COPS4: variants seen among roughly 807,000 people sequenced by gnomAD.
COPS4 encodes COP9 signalosome complex subunit 4.
In COPS4, 8 loss-of-function variants were observed where a neutral mutation model predicts 55.1. The observed-to-expected ratio is 0.15, with a 90% CI of 0.09 to 0.26. COPS4 has a LOEUF of 0.26. Among genes scored for constraint, COPS4 ranks in the 10% least tolerant of loss-of-function variants. COPS4 has a pLI of 1.00. For synonymous variants in COPS4, 185 were observed against 165.7 expected (o/e 1.12, Z -0.90); for missense variants, 248 against 484.0 (o/e 0.51, Z 4.58).
intron 9 of COPS4, among the ~76,000 whole-genome samples, chr4:83,074,138 T>C (rs1731507352): frequency 6.6e-6 from 1 of 152,196 alleles, no homozygotes; most frequent in Non-Finnish European, 1.5e-5. Flanking sequence ...AATGGTATGA[T>C]ATTTATCCTT....
In COPS4 at chr4:83,049,156, T is replaced by G; in HGVS notation, c.155-10T>G. 1 of 1,582,230 alleles carries G rather than the reference T, an allele frequency of 6.3e-7. No homozygotes were observed. Among genetic ancestry groups the G allele is most frequent in the South Asian group, 1.2e-5 (1 of 84,662 alleles). Reference sequence around the variant, plus strand: ...CATGTTTTCTTATCTTTTTTTTTTTTTTAAACAAGTGGTAAATGAGAATGT... The same window carrying G: ...CATGTTTTCTTATCTTTTTTTTTTTGTTAAACAAGTGGTAAATGAGAATGT... On this transcript the variant is annotated splice_polypyrimidine_tract_variant and intron_variant, in intron 2 of 9. Transcript: ENST00000264389.
chr4:83,064,869 CTTTTTTTTTTTTTTTTTTTT>C (rs140166684), intron 7 of COPS4, among the ~76,000 whole-genome samples: 1 of 73,594 alleles, frequency 1.4e-5, no homozygotes, highest in South Asian at 7.4e-4. Flanking sequence ...TAAGCAGTCC[CTTTTTTTTTTTTTTTTTTTT>C]TTTTTTTTTT....
intron 7 of COPS4, 108 bp downstream of exon 7, chr4:83,063,354 C>A: frequency 2.8e-6 from 2 of 716,214 alleles, no homozygotes; most frequent in Non-Finnish European, 4.1e-6. Flanking sequence ...CATAACACTT[C>A]CTCATAAAAA....
At chr4:83,056,807 A>T (rs559401304) in intron 4 of COPS4, 119 bp from the exon 5 acceptor site, 9 of 799,910 alleles carry the variant, frequency 1.1e-5, no homozygotes, top group Admixed American at 2.7e-5. Context: ...TCAAAAAAAA[A>T]GTTTGATTCC....
At chr4:83,044,657 C>G (rs1241307488) in intron 1 of COPS4, among the ~76,000 whole-genome samples, 1 of 150,778 alleles carries the variant, frequency 6.6e-6, no homozygotes, top group Non-Finnish European at 1.5e-5. Context: ...TGCCTGTAAT[C>G]CCAGCTACTC....
chr4:83,074,134 A>G (rs1330343135), intron 9 of COPS4, among the ~76,000 whole-genome samples: 1 of 152,158 alleles, frequency 6.6e-6, no homozygotes, highest in Non-Finnish European at 1.5e-5. Context: ...TTTAAATGGT[A>G]TGATATTTAT....
chr4:83,049,771 A>G lies in COPS4; in HGVS notation c.307-110A>G, dbSNP rs1266265708. ...TGGTCTTGATAAACGTTTACTGTTTACGTGGCAGCTTAGTATGTTGAATTG... is the reference window on the plus strand; with the variant it reads ...TGGTCTTGATAAACGTTTACTGTTTGCGTGGCAGCTTAGTATGTTGAATTG... On this transcript the variant is annotated intron_variant, in intron 3 of 9. Transcript: ENST00000264389. The G allele has an allele frequency of 1.8e-5, 12 of 670,730 alleles. No homozygotes were observed. The East Asian group carries it at 3.2e-4, about 18-fold the overall frequency. The allele number at this position is 670,730 out of a possible 1,614,324, so 41.5% of individuals were successfully genotyped here. A position where few individuals can be genotyped will look rare whatever the true frequency, so the allele number is the denominator to read the frequency against.
intron 9 of COPS4, among the ~76,000 whole-genome samples, chr4:83,072,828 AT>A (rs1731469884): frequency 6.6e-6 from 1 of 152,222 alleles, no homozygotes; most frequent in African/African-American, 2.4e-5. Flanking sequence ...TTTATAATAA[AT>A]TTTAGTATTG....
At chr4:83,065,791 A>G (rs1731278889) in intron 7 of COPS4, among the ~76,000 whole-genome samples, 5 of 152,254 alleles carry the variant, frequency 3.3e-5, no homozygotes, top group Non-Finnish European at 7.3e-5. Context: ...AGATCACTTT[A>G]TCAAGCTTGC....
intron 4 of COPS4, among the ~76,000 whole-genome samples, chr4:83,053,068 A>T (rs1423913817): frequency 7.2e-5 from 11 of 152,198 alleles, no homozygotes. Context: ...GATCATAATG[A>T]TTAAAATTAG....
In COPS4 at chr4:83,047,573, A is replaced by G. The variant is rs182810451; in HGVS notation, c.155-1593A>G. Among the ~76,000 whole-genome samples, 4 of 152,216 alleles carry G rather than the reference A, an allele frequency of 2.6e-5. No homozygotes were observed. The East Asian group carries it at 7.7e-4, about 29-fold the overall frequency. ...TCAAAAAAACAATTAAAAAACATAT[A>G]TATATATATTTTTTGATCTTTGTAT... is the stretch of plus-strand genomic sequence containing the variant. On this transcript the variant is annotated intron_variant, in intron 2 of 9. Transcript: ENST00000264389.
At chr4:83,036,292 A>G (rs1398560000) in intron 1 of COPS4, among the ~76,000 whole-genome samples, 2 of 150,970 alleles carry the variant, frequency 1.3e-5, no homozygotes, top group African/African-American at 4.9e-5. Flanking sequence ...CTCCGTAAAT[A>G]AATAAGTAAA....
intron 6 of COPS4, among the ~76,000 whole-genome samples, chr4:83,057,963 A>G (rs1372444150): frequency 6.6e-6 from 1 of 151,480 alleles, no homozygotes; most frequent in Admixed American, 6.6e-5. Context: ...AGATAATATA[A>G]AGTTCTAAAA....
At chr4:83,070,581 G>T (rs1453816846) in intron 9 of COPS4, among the ~76,000 whole-genome samples, 1 of 152,094 alleles carries the variant, frequency 6.6e-6, no homozygotes, top group East Asian at 1.9e-4. Context: ...GAAGTGCTGG[G>T]ACTATAGGTG....
chr4:83,057,480 G>A lies in COPS4; in HGVS notation c.715+72G>A, dbSNP rs1472698259. ...AATAACTTTAGGTTGGTTACTGTTG[G>A]AAAATTTAGCAAGGAACTATTCTTC... On this transcript the variant is annotated intron_variant, in intron 6 of 9. Coordinates refer to ENST00000264389, the MANE Select transcript of COPS4 (RefSeq NM_016129.3). 36 of 1,281,454 alleles carry A rather than the reference G, an allele frequency of 2.8e-5. No homozygotes were observed. The Admixed American group carries it at 9.0e-4, about 32-fold the overall frequency. The allele number at this position is 1,281,454 out of a possible 1,614,324, so 79.4% of individuals were successfully genotyped here. A position where few individuals can be genotyped will look rare whatever the true frequency, so the allele number is the denominator to read the frequency against.
intron 4 of COPS4, among the ~76,000 whole-genome samples, chr4:83,051,134 C>T (rs1231947461): frequency 1.3e-5 from 2 of 151,248 alleles, no homozygotes; most frequent in South Asian, 2.1e-4. Context: ...CATGATGGCA[C>T]ATGCCTGTAG....
intron 9 of COPS4, among the ~76,000 whole-genome samples, chr4:83,072,380 A>G (rs533338884): frequency 1.3e-5 from 2 of 152,296 alleles, no homozygotes; most frequent in South Asian, 4.1e-4. Flanking sequence ...GATTACAGGC[A>G]TGAGCCACTG....
intron 1 of COPS4, among the ~76,000 whole-genome samples, chr4:83,043,969 A>G (rs1249116773): frequency 1.3e-5 from 2 of 152,162 alleles, no homozygotes; most frequent in Non-Finnish European, 2.9e-5. Flanking sequence ...AGAATTTTGT[A>G]TGAGTTGAGA....
At chr4:83,051,998 A>G (rs1730900546) in intron 4 of COPS4, among the ~76,000 whole-genome samples, 1 of 152,176 alleles carries the variant, frequency 6.6e-6, no homozygotes, top group Non-Finnish European at 1.5e-5. Flanking sequence ...TATGGCATTG[A>G]TAGGTCAAGT....
Sources: allele counts gnomAD v4.1 joint callset (sites outside exome capture counted in the v4.1 genomes callset), GRCh38; gene constraint gnomAD v4.1.1; transcripts MANE v1.5; gene names NCBI Gene and HGNC (gene_info 2026-07-23, HGNC 2026-07-21).